The following COMMD10 variants were observed in gnomAD, a reference collection of about 807,000 sequenced individuals.
The protein encoded by COMMD10 is COMM domain containing 10.
A neutral mutation model predicts 28.9 loss-of-function variants in COMMD10; 33 were observed. That is an observed-to-expected ratio of 1.14 (90% CI 0.87 to 1.53). The LOEUF (loss-of-function observed/expected upper bound fraction) is 1.53, where lower values mean the gene tolerates loss of function less well. Among genes scored for constraint, COMMD10 ranks in the 40% most tolerant of loss-of-function variants. The probability of loss-of-function intolerance (pLI) is 0.00; values close to 1 mark genes in which losing one functional copy is unlikely to be tolerated. For missense variants in COMMD10, 310 were observed against 233.4 expected (o/e 1.33, Z -2.14); for synonymous variants, 110 against 81.7 (o/e 1.35, Z -1.87).
At chr5:116,208,841 C>T (rs1216897507) in intron 5 of COMMD10, among the ~76,000 whole-genome samples, 1 of 152,062 alleles carries the variant, frequency 6.6e-6, no homozygotes, top group Non-Finnish European at 1.5e-5. Flanking sequence ...TAAGGGTTAC[C>T]TCATTTATTC....
rs1440619884 is a variant in COMMD10 at position 116,204,056 on chromosome 5, C to G, written c.510+69878C>G. ...AAAGGATGGAGGAAGATCTCCCAAG[C>G]AAATGGAAAACAAAAAAAGGCAGGG... is the stretch of plus-strand genomic sequence containing the variant. On this transcript the variant is annotated intron_variant, in intron 5 of 6. Coordinates refer to ENST00000274458, the MANE Select transcript of COMMD10 (RefSeq NM_016144.4). 7.2e-5 allele frequency among the ~76,000 whole-genome samples: 11 copies of G among 151,838 alleles called. No homozygotes were observed. The East Asian group carries it at 1.9e-3, about 27-fold the overall frequency.
chr5:116,216,723 G>A (rs963248662), intron 5 of COMMD10, among the ~76,000 whole-genome samples: 7 of 152,130 alleles, frequency 4.6e-5, no homozygotes, highest in East Asian at 1.9e-4. Context: ...TAGTAGAGAT[G>A]GGGAATTTCA....
chr5:116,144,438 TTAAG>T (rs1307474098), intron 5 of COMMD10, among the ~76,000 whole-genome samples: 2 of 151,786 alleles, frequency 1.3e-5, no homozygotes, highest in East Asian at 1.9e-4. Flanking sequence ...GACTCAGTGG[TTAAG>T]TATCTTTCTC....
intron 5 of COMMD10, among the ~76,000 whole-genome samples, chr5:116,259,150 C>T (rs1750371389): frequency 6.7e-6 from 1 of 149,272 alleles, no homozygotes. Flanking sequence ...GCAACCTCTG[C>T]TTCCTGGGTT....
chr5:116,161,950 T>A (rs922078301), intron 5 of COMMD10, among the ~76,000 whole-genome samples: 1 of 152,232 alleles, frequency 6.6e-6, no homozygotes. Flanking sequence ...TACAGCATGG[T>A]CTTTTTTAAA....
chr5:116,088,587 C>T (rs1750199146), intron 2 of COMMD10, among the ~76,000 whole-genome samples: 1 of 152,196 alleles, frequency 6.6e-6, no homozygotes, highest in Non-Finnish European at 1.5e-5. Flanking sequence ...AGTCTACATT[C>T]TCCTCATTTT....
rs543459493 is a variant in COMMD10 at position 116,175,465 on chromosome 5, A to G, written c.510+41287A>G. Among the ~76,000 whole-genome samples the G allele has an allele frequency of 4.6e-5, 7 of 152,300 alleles. No homozygotes were observed. The South Asian group carries it at 1.5e-3, about 32-fold the overall frequency. On this transcript the variant is annotated intron_variant, in intron 5 of 6. Coordinates refer to ENST00000274458, the MANE Select transcript of COMMD10 (RefSeq NM_016144.4). ...AATTGTATAGCCACTCTGGAAAACA[A>G]TATGGCAGTTCATAAAAAATTATAC...
chr5:116,252,241 T>A (rs1346339464), intron 5 of COMMD10, among the ~76,000 whole-genome samples: 2 of 141,282 alleles, frequency 1.4e-5, no homozygotes, highest in African/African-American at 5.5e-5. Flanking sequence ...TTCTCCCATT[T>A]TGTAGGCTGC....
intron 4 of COMMD10, among the ~76,000 whole-genome samples, chr5:116,105,766 C>T (rs1035982647): frequency 6.6e-6 from 1 of 152,180 alleles, no homozygotes; most frequent in Non-Finnish European, 1.5e-5. Flanking sequence ...CTAGTATTCT[C>T]TGATGGTAGT....
intron 4 of COMMD10, among the ~76,000 whole-genome samples, chr5:116,114,279 G>A (rs774639169): frequency 6.6e-6 from 1 of 152,086 alleles, no homozygotes; most frequent in African/African-American, 2.4e-5. Flanking sequence ...TTGGATACCA[G>A]TTGTGGTAGC....
rs1233205789 is a variant in COMMD10, at chr5:116,291,161, A to G, written c.511-356A>G. ...TATCCTGCCTCCAGTGTCTTTGTGT[A>G]ATGGTATTTACTAGATTTCAAACAG... On this transcript the variant is annotated intron_variant, in intron 5 of 6. Transcript: ENST00000274458. Among the ~76,000 whole-genome samples, 4 of 152,126 alleles carry G rather than the reference A, an allele frequency of 2.6e-5. No individual in the cohort carries two copies. The East Asian group carries it at 7.7e-4, about 29-fold the overall frequency.
intron 4 of COMMD10, among the ~76,000 whole-genome samples, chr5:116,107,404 C>G (rs1315980083): frequency 3.9e-5 from 6 of 152,130 alleles, no homozygotes; most frequent in Non-Finnish European, 7.4e-5. Flanking sequence ...CTGATCTTGT[C>G]TTCTCACTTT....
chr5:116,233,721 G>T (rs73780898), intron 5 of COMMD10, among the ~76,000 whole-genome samples: 1 of 152,060 alleles, frequency 6.6e-6, no homozygotes, highest in African/African-American at 2.4e-5. Context: ...AAGTCCCTGA[G>T]AAGAAAGTGA....
chr5:116,186,717 T>G (rs1748149513), intron 5 of COMMD10, among the ~76,000 whole-genome samples: 1 of 152,122 alleles, frequency 6.6e-6, no homozygotes, highest in Non-Finnish European at 1.5e-5. Flanking sequence ...TCAAGAAATA[T>G]TTGTTGAAGA....
rs138467971 is a variant in COMMD10, at chr5:116,220,558, G to T, written c.511-70959G>T. On this transcript the variant is annotated intron_variant, in intron 5 of 6. Coordinates refer to ENST00000274458, the MANE Select transcript of COMMD10 (RefSeq NM_016144.4). The stretch of plus-strand genomic sequence containing the variant: ...AGCCTTGGACTTTTTGTGAGAGAAA[G>T]AAGAGTAGAGTTATAAGGATCCAGG... Among the ~76,000 whole-genome samples the T allele has an allele frequency of 1.5e-4, 23 of 152,212 alleles. 1 individual carries two copies. In the East Asian group the frequency reaches 4.2e-3, roughly 28 times the overall value.
At chr5:116,179,555 G>C (rs1192604006) in intron 5 of COMMD10, among the ~76,000 whole-genome samples, 1 of 152,096 alleles carries the variant, frequency 6.6e-6, no homozygotes, top group Admixed American at 6.6e-5. Flanking sequence ...ACAATGGAAG[G>C]AACAAGAAGG....
chr5:116,094,087 A>C (rs569428971), intron 4 of COMMD10, among the ~76,000 whole-genome samples: 121 of 152,326 alleles, frequency 7.9e-4, no homozygotes, highest in African/African-American at 2.7e-3. Context: ...AAACAGGAGA[A>C]ATACTCCAGG....
intron 5 of COMMD10, among the ~76,000 whole-genome samples, chr5:116,154,217 C>G (rs1313956577): frequency 6.6e-6 from 1 of 152,072 alleles, no homozygotes; most frequent in Non-Finnish European, 1.5e-5. Context: ...CATAATTTCA[C>G]TCAGAAATGG....
At chr5:116,217,296 A>G (rs1749132210) in intron 5 of COMMD10, among the ~76,000 whole-genome samples, 1 of 152,152 alleles carries the variant, frequency 6.6e-6, no homozygotes, top group Admixed American at 6.5e-5. Context: ...AGTCATTAAC[A>G]GTACACAACA....
Sources: allele counts gnomAD v4.1 joint callset (sites outside exome capture counted in the v4.1 genomes callset), GRCh38; gene constraint gnomAD v4.1.1; transcripts MANE v1.5; gene names NCBI Gene and HGNC (gene_info 2026-07-23, HGNC 2026-07-21).